Variants in PARP12 observed in about 807,000 individuals in gnomAD.
The protein encoded by PARP12 is protein mono-ADP-ribosyltransferase PARP12.
A neutral mutation model predicts 72.4 loss-of-function variants in PARP12; 59 were observed. That is an observed-to-expected ratio of 0.81 (90% CI 0.66 to 1.01). The LOEUF (loss-of-function observed/expected upper bound fraction) is 1.01, where lower values mean the gene tolerates loss of function less well. Among genes scored for constraint, PARP12 ranks in the 50% least tolerant of loss-of-function variants. The pLI is 0.00. For missense variants in PARP12, 851 were observed against 914.0 expected (o/e 0.93, Z 0.89); for synonymous variants, 403 against 371.4 (o/e 1.09, Z -0.98).
At chr7:140,040,916 C>T (rs142009164) in intron 6 of PARP12, among the ~76,000 whole-genome samples, 2 of 152,294 alleles carry the variant, frequency 1.3e-5, no homozygotes, top group East Asian at 1.9e-4. Flanking sequence ...CACAGGCATA[C>T]GCCACCACAC....
At position 140,056,851 on chromosome 7, in the gene PARP12, C is replaced by A; in HGVS notation, c.760+5G>T. 1 of 1,596,398 alleles carries A rather than the reference C, an allele frequency of 6.3e-7. No individual in the cohort carries two copies. The highest frequency in any genetic ancestry group is 8.5e-7 in the Non-Finnish European group (1 of 1,171,692). The stretch of plus-strand genomic sequence containing the variant: ...ACCAGCCTTACCACTCCCCACCAGC[C>A]TTACCAGAAGTCCCCTGTGGGACAA... On this transcript the variant is annotated splice_donor_5th_base_variant and intron_variant, in intron 3 of 11. Transcript: ENST00000263549.
At position 140,024,397 on chromosome 7, in the gene PARP12, A is replaced by G. The variant is rs988284181; in HGVS notation, c.*163T>C. 1 of 868,666 alleles carries G rather than the reference A, an allele frequency of 1.2e-6. No homozygotes were observed. The highest frequency in any genetic ancestry group is 1.8e-6 in the Non-Finnish European group (1 of 548,838). The allele number at this position is 868,666 out of a possible 1,614,324, so 53.8% of individuals were successfully genotyped here. A position where few individuals can be genotyped will look rare whatever the true frequency, so the allele number is the denominator to read the frequency against. On this transcript the variant is annotated 3_prime_UTR_variant, in exon 12 of 12. Transcript: ENST00000263549. ...CACTAGTGAACCCAAAAGTGACTTA[A>G]AAGTAAAAATCATTATTAGCAAGAG...
chr7:140,033,426 G>A (rs188934062), intron 8 of PARP12: 3 of 985,390 alleles, frequency 3.0e-6, no homozygotes, highest in Admixed American at 1.2e-4. Context: ...CGAACAGAAG[G>A]TGCAGCCAGC....
chr7:140,060,780 T>C, intron 1 of PARP12, among the ~76,000 whole-genome samples: 1 of 152,134 alleles, frequency 6.6e-6, no homozygotes, highest in East Asian at 1.9e-4. Context: ...TGAAGGCTGA[T>C]TTCCCCAGAG....
chr7:140,027,866 C>T (rs1455920473), intron 9 of PARP12, among the ~76,000 whole-genome samples: 1 of 151,938 alleles, frequency 6.6e-6, no homozygotes, highest in East Asian at 1.9e-4. Context: ...TTGTCCCACA[C>T]AGGTCAAAGA....
intron 5 of PARP12, among the ~76,000 whole-genome samples, chr7:140,043,810 G>A (rs1413104998): frequency 2.6e-5 from 4 of 152,150 alleles, no homozygotes; most frequent in Admixed American, 2.0e-4. Context: ...GGGATTACAC[G>A]CGTGAGCCAC....
Position 140,060,518 on chromosome 7 carries a change from GAAGA to G in PARP12, c.326+2000_326+2003del, listed in dbSNP as rs1449299174. ...TAAACCACAAGGAAAAGAGAAAACT[GAAGA>G]AAGAAGAAAACTCAAGGTCATCTGA... On this transcript the variant is annotated intron_variant, in intron 1 of 11. Transcript: ENST00000263549. Among the ~76,000 whole-genome samples, 4 of 152,292 alleles carry G rather than the reference GAAGA, an allele frequency of 2.6e-5. No homozygotes were observed. In the East Asian group the frequency reaches 7.7e-4, roughly 29 times the overall value.
At chr7:140,057,448 G>A (rs1290299677) in intron 2 of PARP12, 12 of 452,744 alleles carry the variant, frequency 2.7e-5, no homozygotes, top group Non-Finnish European at 2.0e-5. Context: ...CAAATCAAAT[G>A]GCTACATCCT....
intron 8 of PARP12, among the ~76,000 whole-genome samples, chr7:140,032,627 AAAG>A (rs1815981733): frequency 6.6e-6 from 1 of 152,254 alleles, no homozygotes; most frequent in Admixed American, 6.5e-5. Flanking sequence ...GAGAACCAGG[AAAG>A]AAGAAACGGA....
intron 3 of PARP12, among the ~76,000 whole-genome samples, chr7:140,056,375 T>C (rs1817176760): frequency 6.6e-6 from 1 of 152,244 alleles, no homozygotes; most frequent in Admixed American, 6.5e-5. Flanking sequence ...AAAACTCTAC[T>C]TATTGATGTC....
At chr7:140,043,351 C>T (rs1020939100) in intron 5 of PARP12, among the ~76,000 whole-genome samples, 8 of 151,970 alleles carry the variant, frequency 5.3e-5, no homozygotes, top group African/African-American at 7.2e-5. Flanking sequence ...TGCAGATATA[C>T]GTGATATGTT....
chr7:140,049,291 G>T (rs1412292303), intron 4 of PARP12, among the ~76,000 whole-genome samples: 2 of 152,222 alleles, frequency 1.3e-5, no homozygotes, highest in Non-Finnish European at 2.9e-5. Flanking sequence ...ACCAGGGACT[G>T]AAGATCTCCT....
intron 8 of PARP12, 90 bp from the exon 9 acceptor site, chr7:140,028,778 G>T: frequency 2.7e-6 from 3 of 1,108,082 alleles, no homozygotes; most frequent in African/African-American, 1.6e-5. Flanking sequence ...AATATCACCA[G>T]TCTTGAGTCT....
At chr7:140,028,048 C>T (rs1815802767) in intron 9 of PARP12, among the ~76,000 whole-genome samples, 1 of 152,234 alleles carries the variant, frequency 6.6e-6, no homozygotes, top group African/African-American at 2.4e-5. Flanking sequence ...CTGAGTTAGA[C>T]AGTGCTCGGC....
At chr7:140,038,201 G>A (rs1816300991) in intron 6 of PARP12, 1 of 985,334 alleles carries the variant, frequency 1.0e-6, no homozygotes. Flanking sequence ...CTTCTGGAGT[G>A]CTGCTTGACT....
chr7:140,024,124 G>C lies in PARP12; in HGVS notation c.*436C>G. ...AGCAACAGGCAGAAGTGACTGTGCC[G>C]CCCGTGGGCTGTCATCCACCGGTGG... On this transcript the variant is annotated 3_prime_UTR_variant, in exon 12 of 12. Coordinates refer to ENST00000263549, the MANE Select transcript of PARP12 (RefSeq NM_022750.4). The C allele has an allele frequency of 3.5e-6, 1 of 282,434 alleles. No individual in the cohort carries two copies. Among genetic ancestry groups the C allele is most frequent in the East Asian group, 9.6e-5 (1 of 10,470 alleles). 17.5% of individuals were successfully genotyped at this position (282,434 alleles called of 1,614,324 possible). A position where few individuals can be genotyped will look rare whatever the true frequency, so the allele number is the denominator to read the frequency against.
intron 4 of PARP12, among the ~76,000 whole-genome samples, chr7:140,047,772 C>A (rs1224027496): frequency 1.3e-5 from 2 of 152,062 alleles, no homozygotes; most frequent in Non-Finnish European, 2.9e-5. Flanking sequence ...TGTGCACCAC[C>A]ACACAGCTAA....
chr7:140,059,827 C>T (rs10238778), intron 1 of PARP12, among the ~76,000 whole-genome samples: 12,488 of 152,206 alleles, frequency 0.082, 1,257 homozygotes, highest in African/African-American at 0.24. Context: ...CAGCGCAGAG[C>T]GGAAGGGCAC....
In PARP12 at chr7:140,054,085, C is replaced by T. The variant is rs564312110; in HGVS notation, c.862+577G>A. Among the ~76,000 whole-genome samples the T allele has an allele frequency of 4.0e-4, 61 of 152,228 alleles. 1 individual carries two copies. The highest frequency in any genetic ancestry group is 1.2e-3 in the African/African-American group (50 of 41,530). On this transcript the variant is annotated intron_variant, in intron 4 of 11. Transcript: ENST00000263549. ...ATTTGAGAACAAACCTTTCTTCAGTCAAAGCCCAGGACAGCATTTAAGAAG... is the reference window on the plus strand; with the variant it reads ...ATTTGAGAACAAACCTTTCTTCAGTTAAAGCCCAGGACAGCATTTAAGAAG...
Sources: allele counts gnomAD v4.1 joint callset (sites outside exome capture counted in the v4.1 genomes callset), GRCh38; gene constraint gnomAD v4.1.1; transcripts MANE v1.5; gene names NCBI Gene and HGNC (gene_info 2026-07-23, HGNC 2026-07-21).